Variants in PTPRG observed in about 807,000 individuals in gnomAD.
The protein encoded by PTPRG is protein tyrosine phosphatase receptor type G, also known as receptor-type tyrosine-protein phosphatase gamma.
A neutral mutation model predicts 165.3 loss-of-function variants in PTPRG; 102 were observed. The observed-to-expected ratio is 0.62, with a 90% CI of 0.53 to 0.73. The LOEUF is 0.73. Among genes scored for constraint, PTPRG ranks in the 30% least tolerant of loss-of-function variants. PTPRG has a pLI of 0.00. For missense variants in PTPRG, 1,866 were observed against 1,861.4 expected, an observed-to-expected ratio of 1.00 and a Z score of -0.05; for synonymous variants, 675 against 669.5, an observed-to-expected ratio of 1.01 and a Z score of -0.13.
intron 1 of PTPRG, among the ~76,000 whole-genome samples, chr3:61,566,250 A>G (rs1217540071): frequency 6.6e-6 from 1 of 152,194 alleles, no homozygotes; most frequent in Non-Finnish European, 1.5e-5. Context: ...ACCTGTTTTC[A>G]CTGAATAAAA....
chr3:61,685,130 G>A (rs1376675876), intron 1 of PTPRG, among the ~76,000 whole-genome samples: 1 of 152,124 alleles, frequency 6.6e-6, no homozygotes, highest in Non-Finnish European at 1.5e-5. Context: ...TGGTTATGAG[G>A]ATTAAACGAG....
chr3:61,894,917 A>G (rs2107507940), intron 2 of PTPRG, among the ~76,000 whole-genome samples: 1 of 152,026 alleles, frequency 6.6e-6, no homozygotes, highest in Non-Finnish European at 1.5e-5. Flanking sequence ...AGGAGTTTGA[A>G]TCTCAGCACC....
intron 5 of PTPRG, among the ~76,000 whole-genome samples, chr3:62,085,767 C>G (rs1253813793): frequency 6.6e-6 from 1 of 152,138 alleles, no homozygotes; most frequent in African/African-American, 2.4e-5. Flanking sequence ...CTTATGTATT[C>G]ATTCTTGCAT....
chr3:61,563,184 G>C (rs955601657), intron 1 of PTPRG, among the ~76,000 whole-genome samples: 10 of 151,426 alleles, frequency 6.6e-5, no homozygotes, highest in African/African-American at 2.2e-4. Context: ...CCGGGTTGCT[G>C]TTCGCGCCGG....
chr3:61,803,513 G>C (rs912989395), intron 2 of PTPRG, among the ~76,000 whole-genome samples: 3 of 126,386 alleles, frequency 2.4e-5, no homozygotes, highest in African/African-American at 1.0e-4. Flanking sequence ...TGGACAACAT[G>C]TAATGCCTCA....
At chr3:62,289,124 A>G (rs746199096) in intron 28 of PTPRG, among the ~76,000 whole-genome samples, 3 of 152,210 alleles carry the variant, frequency 2.0e-5, no homozygotes, top group Non-Finnish European at 2.9e-5. Flanking sequence ...TAGTCTCACT[A>G]TGCGATCTTG....
chr3:62,098,007 G>A (rs983448272), intron 5 of PTPRG, among the ~76,000 whole-genome samples: 1 of 152,162 alleles, frequency 6.6e-6, no homozygotes, highest in Admixed American at 6.5e-5. Context: ...TGCTATCACA[G>A]AGATTTAATA....
At chr3:62,081,667 A>G (rs1035318239) in intron 5 of PTPRG, among the ~76,000 whole-genome samples, 2 of 152,222 alleles carry the variant, frequency 1.3e-5, no homozygotes, top group Non-Finnish European at 2.9e-5. Flanking sequence ...TTGTAAGCAC[A>G]CACGTGCTTA....
At chr3:61,856,145 T>C (rs1345836030) in intron 2 of PTPRG, among the ~76,000 whole-genome samples, 1 of 152,044 alleles carries the variant, frequency 6.6e-6, no homozygotes, top group Non-Finnish European at 1.5e-5. Context: ...TTTTAAATTG[T>C]AAAATACACA....
In PTPRG at chr3:62,191,512, C is replaced by G; in HGVS notation, c.1077C>G (p.Asn359Lys). ...TCCACATGAAGGTGCAGCCTCTGAA[C>G]CAGACGGCACTGCAGGTGTCCTGGA... ...PPIHMKVQPL[N>K]QTALQVSWSQ... Residue 359 changes from asparagine (N) to lysine (K), a missense_variant, in exon 9 of 30, where the codon AAC becomes AAG. Asn to Lys is a moderately conservative substitution (Grantham distance 94, BLOSUM62 0). This residue lies in a region of PTPRG where 1,452 missense variants were observed against 1,463.0 expected (regional missense o/e 0.99). Coordinates refer to ENST00000474889, the MANE Select transcript of PTPRG (RefSeq NM_002841.4). The G allele has an allele frequency of 1.2e-6, 2 of 1,614,132 alleles. No homozygotes were observed. Among genetic ancestry groups the G allele is most frequent in the Non-Finnish European group, 1.7e-6 (2 of 1,180,020 alleles).
chr3:61,892,737 AC>A (rs2038248691), intron 2 of PTPRG, among the ~76,000 whole-genome samples: 1 of 151,658 alleles, frequency 6.6e-6, no homozygotes, highest in East Asian at 1.9e-4. Flanking sequence ...AATCGCCTGA[AC>A]CCGGGAGGGG....
At chr3:61,867,275 C>T (rs2037438725) in intron 2 of PTPRG, among the ~76,000 whole-genome samples, 1 of 152,140 alleles carries the variant, frequency 6.6e-6, no homozygotes, top group Non-Finnish European at 1.5e-5. Flanking sequence ...GCCATACCAG[C>T]AGCCCCCATT....
At chr3:61,835,284 A>G (rs966235695) in intron 2 of PTPRG, among the ~76,000 whole-genome samples, 1 of 151,994 alleles carries the variant, frequency 6.6e-6, no homozygotes, top group African/African-American at 2.4e-5. Context: ...TCCTGACTCT[A>G]CTGTTACTTT....
intron 5 of PTPRG, among the ~76,000 whole-genome samples, chr3:62,131,085 G>A (rs942367097): frequency 2.0e-5 from 3 of 152,106 alleles, no homozygotes; most frequent in African/African-American, 4.8e-5. Flanking sequence ...AACTCATAGA[G>A]CATCTAATGA....
intron 4 of PTPRG, among the ~76,000 whole-genome samples, chr3:62,054,325 A>G (rs1224963383): frequency 2.0e-5 from 3 of 152,208 alleles, no homozygotes; most frequent in East Asian, 1.9e-4. Flanking sequence ...GTTTTGAATA[A>G]TGGGTTTCTT....
intron 2 of PTPRG, among the ~76,000 whole-genome samples, chr3:61,842,947 A>G (rs2036683935): frequency 6.6e-6 from 1 of 152,226 alleles, no homozygotes; most frequent in Non-Finnish European, 1.5e-5. Flanking sequence ...TACGGCCACC[A>G]TCATTATTAA....
chr3:61,750,136 CTA>C (rs1299209530), intron 2 of PTPRG: 3 of 152,142 alleles, frequency 2.0e-5, no homozygotes, highest in African/African-American at 7.2e-5. Flanking sequence ...TTAGAATTAT[CTA>C]ATTAGAGGCT....
At position 62,088,194 on chromosome 3, in the gene PTPRG, C is replaced by T. The variant is rs539736142; in HGVS notation, c.615+9936C>T. 6.6e-5 allele frequency among the ~76,000 whole-genome samples: 10 copies of T among 152,334 alleles called. No homozygotes were observed. In the South Asian group the frequency reaches 2.1e-3, roughly 32 times the overall value. On this transcript the variant is annotated intron_variant, in intron 5 of 29. Coordinates refer to ENST00000474889, the MANE Select transcript of PTPRG (RefSeq NM_002841.4). Reference sequence around the variant, plus strand: ...GGGTAGAGGCACTGCTGGCATCTCACGGAGAGTGCCCAGGAACGCTGCTGA... The same window carrying T: ...GGGTAGAGGCACTGCTGGCATCTCATGGAGAGTGCCCAGGAACGCTGCTGA...
chr3:62,289,070 C>T (rs929706759), intron 28 of PTPRG, among the ~76,000 whole-genome samples: 11 of 152,158 alleles, frequency 7.2e-5, no homozygotes, highest in African/African-American at 2.4e-4. Flanking sequence ...GTGTGCCAAT[C>T]TCTGTTCTGA....
Sources: allele counts gnomAD v4.1 joint callset (sites outside exome capture counted in the v4.1 genomes callset), GRCh38; gene constraint gnomAD v4.1.1; regional missense constraint gnomAD v4.1.1; transcripts MANE v1.5; gene names NCBI Gene and HGNC (gene_info 2026-07-23, HGNC 2026-07-21).